BRINP1: variants seen among roughly 807,000 people sequenced by gnomAD.
BRINP1 encodes the protein BMP/retinoic acid-inducible neural-specific protein 1.
A neutral mutation model predicts 72.9 loss-of-function variants in BRINP1; 17 were observed. The observed-to-expected ratio is 0.23, with a 90% CI of 0.16 to 0.35. The LOEUF (loss-of-function observed/expected upper bound fraction) is 0.35. Ranked by LOEUF, BRINP1 falls within the 10% of genes least tolerant of loss-of-function variation. The pLI, the probability that BRINP1 is intolerant of heterozygous loss-of-function variation, is 1.00. For missense variants in BRINP1, 850 were observed against 1,001.6 expected (o/e 0.85, Z 2.04); for synonymous variants, 418 against 378.5 (o/e 1.10, Z -1.21).
At chr9:119,169,371 C>G (rs138142736) in intron 7 of BRINP1, among the ~76,000 whole-genome samples, 2 of 152,070 alleles carry the variant, frequency 1.3e-5, no homozygotes, top group African/African-American at 4.8e-5. Flanking sequence ...GGGTGACTGA[C>G]GGCACCTGGA....
At chr9:119,188,749 T>C (rs1829652767) in intron 7 of BRINP1, among the ~76,000 whole-genome samples, 1 of 152,100 alleles carries the variant, frequency 6.6e-6, no homozygotes, top group Non-Finnish European at 1.5e-5. Context: ...GCCACTGCAC[T>C]TCAGCCAGGA....
Position 119,208,686 on chromosome 9 carries a change from G to T in BRINP1, c.1145+33C>A, listed in dbSNP as rs1380268416. 3.2e-6 allele frequency: 5 copies of T among 1,586,340 alleles called. No individual in the cohort carries two copies. The African/African-American group carries it at 6.7e-5, about 21-fold the overall frequency. Reference sequence around the variant, plus strand: ...ATAATGTAGCTAACGCCAGGTAGGTGCCTGCAGAGGTGGAGGTGGTGGCAA... The same window carrying T: ...ATAATGTAGCTAACGCCAGGTAGGTTCCTGCAGAGGTGGAGGTGGTGGCAA... On this transcript the variant is annotated intron_variant, in intron 7 of 7. Coordinates refer to ENST00000265922, the MANE Select transcript of BRINP1 (RefSeq NM_014618.3).
intron 7 of BRINP1, among the ~76,000 whole-genome samples, chr9:119,182,368 G>T (rs1829567294): frequency 6.6e-6 from 1 of 152,140 alleles, no homozygotes; most frequent in Admixed American, 6.5e-5. Context: ...AGAATGAAAA[G>T]ACAACTTTCA....
intron 7 of BRINP1, among the ~76,000 whole-genome samples, chr9:119,186,130 T>C (rs1217514998): frequency 2.0e-5 from 3 of 152,090 alleles, no homozygotes; most frequent in African/African-American, 7.2e-5. Context: ...GCTCAGATGT[T>C]AGGGTCACAG....
intron 5 of BRINP1, among the ~76,000 whole-genome samples, chr9:119,233,929 A>G (rs188554295): frequency 6.6e-6 from 1 of 152,210 alleles, no homozygotes; most frequent in African/African-American, 2.4e-5. Flanking sequence ...GTTTCACTCA[A>G]TGCTGTGTTT....
At chr9:119,179,626 A>G (rs545438298) in intron 7 of BRINP1, among the ~76,000 whole-genome samples, 3 of 152,130 alleles carry the variant, frequency 2.0e-5, no homozygotes, top group African/African-American at 4.8e-5. Flanking sequence ...CCTCACATCA[A>G]CCCCATGAGA....
intron 1 of BRINP1, among the ~76,000 whole-genome samples, chr9:119,360,477 C>T (rs1009028771): frequency 6.6e-6 from 1 of 152,002 alleles, no homozygotes; most frequent in African/African-American, 2.4e-5. Flanking sequence ...GCAGTTGTCT[C>T]TTTCACAGCT....
At chr9:119,250,108 AGGAG>A (rs1228554905) in intron 2 of BRINP1, among the ~76,000 whole-genome samples, 2 of 56,278 alleles carry the variant, frequency 3.6e-5, no homozygotes, top group Admixed American at 5.7e-4. Flanking sequence ...AAGAAAAGGA[AGGAG>A]GGAGGGAGGG....
intron 1 of BRINP1, among the ~76,000 whole-genome samples, chr9:119,352,960 T>C (rs747300939): frequency 2.4e-4 from 37 of 152,174 alleles, no homozygotes; most frequent in Non-Finnish European, 4.7e-4. Context: ...AAAGTGTCTG[T>C]ATTTGAATGG....
chr9:119,333,639 GAGT>G (rs930658306), intron 1 of BRINP1, among the ~76,000 whole-genome samples: 4 of 152,016 alleles, frequency 2.6e-5, no homozygotes, highest in African/African-American at 9.7e-5. Flanking sequence ...CCTATATTTG[GAGT>G]AGGAGAGAAG....
Position 119,226,009 on chromosome 9 carries a change from T to C in BRINP1, c.686-11854A>G, listed in dbSNP as rs112659770. ...CACTATGAGAAAGAGAAGCAAATAA[T>C]GAACAAATGAAAAAGCATATGGTTT... On this transcript the variant is annotated intron_variant, in intron 5 of 7. Transcript: ENST00000265922. Among the ~76,000 whole-genome samples, 1,439 of 152,132 alleles carry C rather than the reference T, an allele frequency of 9.5e-3. 22 individuals are homozygous for C. The highest frequency in any genetic ancestry group is 0.032 in the African/African-American group (1,313 of 41,526).
intron 1 of BRINP1, among the ~76,000 whole-genome samples, chr9:119,349,491 G>A (rs905096307): frequency 2.6e-5 from 4 of 152,188 alleles, no homozygotes; most frequent in East Asian, 1.9e-4. Context: ...AGCAGAAACC[G>A]AGATGCGTTA....
At chr9:119,312,599 G>A (rs1831079426) in intron 2 of BRINP1, among the ~76,000 whole-genome samples, 1 of 152,162 alleles carries the variant, frequency 6.6e-6, no homozygotes, top group Admixed American at 6.6e-5. Context: ...GTACAGACCT[G>A]CTTAACAAAA....
At chr9:119,297,055 G>A (rs910885333) in intron 2 of BRINP1, among the ~76,000 whole-genome samples, 9 of 152,062 alleles carry the variant, frequency 5.9e-5, no homozygotes, top group Admixed American at 4.6e-4. Context: ...GTTACTGTGT[G>A]GGTGATGGAC....
At chr9:119,238,214 T>C (rs1830210945) in intron 5 of BRINP1, among the ~76,000 whole-genome samples, 1 of 152,160 alleles carries the variant, frequency 6.6e-6, no homozygotes, top group African/African-American at 2.4e-5. Context: ...ACTTAAAGCC[T>C]TGTCCAACTT....
In BRINP1 at chr9:119,249,117, G is replaced by T. The variant is rs1409583855; in HGVS notation, c.252C>A (p.Ala84=). Residue 84 remains alanine, a synonymous_variant, in exon 3 of 8, where the codon GCC becomes GCA. Transcript: ENST00000265922. The part of the protein sequence containing the change: ...EFARWKVRNT[A]IERRDLVRHP... ...GGCGGACCAGATCTCTCCTCTCGAT[G>T]GCTGTGTTCCTCACCTTCCAACGGG... 1 of 1,613,968 alleles carries T rather than the reference G, an allele frequency of 6.2e-7. No homozygotes were observed. The highest frequency in any genetic ancestry group is 1.1e-5 in the South Asian group (1 of 91,054).
intron 1 of BRINP1, among the ~76,000 whole-genome samples, chr9:119,325,609 A>G (rs1194155162): frequency 1.3e-5 from 2 of 152,198 alleles, no homozygotes; most frequent in African/African-American, 4.8e-5. Flanking sequence ...CATTTGGAAC[A>G]TGACTAACTC....
At chr9:119,309,339 G>C (rs1005043584) in intron 2 of BRINP1, among the ~76,000 whole-genome samples, 9 of 152,164 alleles carry the variant, frequency 5.9e-5, no homozygotes, top group African/African-American at 2.2e-4. Flanking sequence ...AGTTGTGACA[G>C]CATAGAGTTA....
At chr9:119,297,725 C>G (rs1830894905) in intron 2 of BRINP1, among the ~76,000 whole-genome samples, 1 of 152,160 alleles carries the variant, frequency 6.6e-6, no homozygotes, top group Non-Finnish European at 1.5e-5. Context: ...TTAGGTTCAA[C>G]TGGCAGCATC....
Sources: gnomAD v4.1 joint callset for allele counts (sites outside exome capture counted in the v4.1 genomes callset) on GRCh38, gnomAD v4.1.1 for gene constraint, MANE v1.5 for transcripts, NCBI Gene and HGNC (gene_info 2026-07-23, HGNC 2026-07-21) for gene names.